LRIF1: variants seen among roughly 807,000 people sequenced by gnomAD.
The protein encoded by LRIF1 is ligand dependent nuclear receptor interacting factor 1.
Under a neutral mutation model 52.7 loss-of-function variants are expected in LRIF1, and 32 were observed. The observed-to-expected ratio is 0.61, with a 90% CI of 0.46 to 0.82. LRIF1 has a LOEUF of 0.82. LRIF1 is among the 40% of genes least tolerant of loss of function. LRIF1 has a pLI of 0.00. For missense variants in LRIF1, 887 were observed against 892.0 expected (o/e 0.99, Z 0.07); for synonymous variants, 323 against 317.4 (o/e 1.02, Z -0.19).
chr1:110,918,215 G>A, the LRIF1 span, among the ~76,000 whole-genome samples: 3 of 152,046 alleles, frequency 2.0e-5, no homozygotes, highest in East Asian at 1.9e-4. Context: ...ATGAGGTGCC[G>A]AACATTCCCT....
chr1:110,944,978 C>T (rs1324637352), downstream of LRIF1: 2 of 151,380 alleles, frequency 1.3e-5, no homozygotes, highest in Admixed American at 1.3e-4. Context: ...TTCACTACGA[C>T]CTTGACCCAC....
At chr1:110,941,067 A>G in the LRIF1 span, 3 of 152,190 alleles carry the variant, frequency 2.0e-5, no homozygotes, top group East Asian at 5.8e-4. Context: ...TTACATGCCT[A>G]TATTAAAATA....
chr1:110,897,564 C>T, the LRIF1 span: 13 of 326,636 alleles, frequency 4.0e-5, no homozygotes, highest in Admixed American at 2.8e-4. Flanking sequence ...TTTAACTCAG[C>T]GGGTAAGGAT....
At chr1:110,948,603 T>G (rs576941041) in intron 3 of LRIF1, among the ~76,000 whole-genome samples, 2 of 152,308 alleles carry the variant, frequency 1.3e-5, no homozygotes, top group South Asian at 4.1e-4. Flanking sequence ...AAGAAGAAAT[T>G]GCCTAATTCA....
chr1:110,958,790 C>T (rs1385343170), intron 1 of LRIF1, among the ~76,000 whole-genome samples: 1 of 152,196 alleles, frequency 6.6e-6, no homozygotes, highest in Non-Finnish European at 1.5e-5. Context: ...ATATACTCCG[C>T]ATCTAATTCA....
chr1:110,889,424 T>A, the LRIF1 span, among the ~76,000 whole-genome samples: 2 of 151,652 alleles, frequency 1.3e-5, no homozygotes, highest in Non-Finnish European at 2.9e-5. Context: ...CCGGGCGTGG[T>A]GACGGGCGCC....
chr1:110,934,567 T>C, the LRIF1 span, among the ~76,000 whole-genome samples: 1 of 152,170 alleles, frequency 6.6e-6, no homozygotes, highest in Non-Finnish European at 1.5e-5. Flanking sequence ...GTACTCTCCA[T>C]GGCTTGTGGT....
At chr1:110,908,114 C>G in the LRIF1 span, among the ~76,000 whole-genome samples, 1 of 152,122 alleles carries the variant, frequency 6.6e-6, no homozygotes, top group Non-Finnish European at 1.5e-5. Flanking sequence ...ATAAAAAGAA[C>G]AAGTTTTGAT....
At position 110,951,408 on chromosome 1, in the gene LRIF1, T is replaced by C; in HGVS notation, c.1476A>G (p.Val492=). The stretch of plus-strand genomic sequence containing the variant: ...CTTTTCTAGCATAAATGACGGCTGT[T>C]ACTTTTCTGGGGGCATTGTGTCCTG... ...FSTGHNAPRK[V]TAVIYARKGS... The change falls in exon 2 of 4, where the codon GTA becomes GTG. Residue 492 remains valine, a synonymous_variant. Transcript: ENST00000369763. 6.2e-7 allele frequency: 1 copy of C among 1,614,174 alleles called. No homozygotes were observed. Among genetic ancestry groups the C allele is most frequent in the African/African-American group, 1.3e-5 (1 of 75,052 alleles).
chr1:110,917,572 G>T, the LRIF1 span, among the ~76,000 whole-genome samples: 7 of 151,432 alleles, frequency 4.6e-5, no homozygotes, highest in Non-Finnish European at 1.5e-5. Flanking sequence ...AGGAATTTGG[G>T]TGCTTGACAT....
the LRIF1 span, among the ~76,000 whole-genome samples, chr1:110,882,176 G>T: frequency 3.9e-5 from 6 of 152,124 alleles, no homozygotes; most frequent in South Asian, 1.2e-3. Context: ...AGAACTCTTT[G>T]CATAACCAAG....
intron 1 of LRIF1, among the ~76,000 whole-genome samples, chr1:110,955,700 A>G (rs1658667051): frequency 6.6e-6 from 1 of 152,194 alleles, no homozygotes; most frequent in African/African-American, 2.4e-5. Context: ...GTATGAAGCA[A>G]GTAGACAACT....
the LRIF1 span, among the ~76,000 whole-genome samples, chr1:110,929,803 T>C: frequency 6.6e-6 from 1 of 152,082 alleles, no homozygotes; most frequent in African/African-American, 2.4e-5. Context: ...AAATGGGAGC[T>C]AAATGATGAG....
intron 3 of LRIF1, among the ~76,000 whole-genome samples, chr1:110,949,101 G>A (rs72990667): frequency 0.21 from 31,515 of 151,626 alleles, 3,528 homozygotes; most frequent in Non-Finnish European, 0.25. Flanking sequence ...GTGTGTGTGG[G>A]GTGGGCGGTG....
chr1:110,891,285 C>G, the LRIF1 span: 1 of 783,310 alleles, frequency 1.3e-6, no homozygotes, highest in African/African-American at 1.7e-5. Context: ...AGGAGAGCCA[C>G]AGCTCAAACC....
chr1:110,894,469 G>A, the LRIF1 span: 1 of 1,186,478 alleles, frequency 8.4e-7, no homozygotes, highest in South Asian at 1.2e-5. Flanking sequence ...GGAGAAGTTG[G>A]TACAAAGTTA....
chr1:110,952,531 C>T lies in LRIF1; in HGVS notation c.353G>A (p.Gly118Asp). The T allele has an allele frequency of 6.2e-7, 1 of 1,613,956 alleles. No individual in the cohort carries two copies. The highest frequency in any genetic ancestry group is 8.5e-7 in the Non-Finnish European group (1 of 1,179,848). ...LTRTVDTSEK[G>D]RVTSVGTGNF... ...TCCAGTTCCCACAGAAGTAACTCTACCTTTTTCTGATGTATCTACTGTTCT... is the reference window on the plus strand; with the variant it reads ...TCCAGTTCCCACAGAAGTAACTCTATCTTTTTCTGATGTATCTACTGTTCT... Residue 118 changes from glycine (G) to aspartate (D), a missense_variant, in exon 2 of 4, where the codon GGT (glycine) becomes GAT (aspartate). Physicochemically the swap from Gly to Asp is moderately conservative, Grantham distance 94 (BLOSUM62 -1). Transcript: ENST00000369763.
chr1:110,877,359 G>C, the LRIF1 span, among the ~76,000 whole-genome samples: 1 of 152,168 alleles, frequency 6.6e-6, no homozygotes, highest in Non-Finnish European at 1.5e-5. Context: ...CCAGCCTGCA[G>C]ACACCATGGA....
At chr1:110,940,026 A>G in the LRIF1 span, 1 of 152,352 alleles carries the variant, frequency 6.6e-6, no homozygotes, top group South Asian at 2.1e-4. Flanking sequence ...AGCAAAGGAA[A>G]CAATCAACAA....
Sources: allele counts gnomAD v4.1 joint callset (sites outside exome capture counted in the v4.1 genomes callset), GRCh38; gene constraint gnomAD v4.1.1; transcripts MANE v1.5; gene names NCBI Gene and HGNC (gene_info 2026-07-23, HGNC 2026-07-21).